Variants in LAMA3 observed in about 807,000 individuals in gnomAD.
LAMA3 encodes the protein laminin subunit alpha 3, also known as laminin subunit alpha-3.
A neutral mutation model predicts 402.0 loss-of-function variants in LAMA3; 281 were observed. The ratio of observed to expected loss-of-function variants is 0.70; its 90% CI spans 0.63 to 0.77. The LOEUF (loss-of-function observed/expected upper bound fraction) is 0.77, where lower values mean the gene tolerates loss of function less well. Among genes scored for constraint, LAMA3 ranks in the 30% least tolerant of loss-of-function variants. The pLI, the probability that LAMA3 is intolerant of heterozygous loss-of-function variation, is 0.00. For missense variants in LAMA3, 3,840 were observed against 4,215.5 expected, an observed-to-expected ratio of 0.91 and a Z score of 2.47; for synonymous variants, 1,431 against 1,558.4, an observed-to-expected ratio of 0.92 and a Z score of 1.93.
intron 12 of LAMA3, among the ~76,000 whole-genome samples, chr18:23,808,695 G>A (rs1178272909): frequency 2.0e-5 from 3 of 152,202 alleles, no homozygotes; most frequent in Non-Finnish European, 4.4e-5. Context: ...ATCAGTGAGA[G>A]TTTCTTTTAC....
At chr18:23,864,492 T>C (rs915056056) in intron 35 of LAMA3, among the ~76,000 whole-genome samples, 2 of 152,168 alleles carry the variant, frequency 1.3e-5, no homozygotes, top group African/African-American at 4.8e-5. Flanking sequence ...CTTCCCAAAG[T>C]GTGGGATTAT....
intron 8 of LAMA3, among the ~76,000 whole-genome samples, chr18:23,770,513 G>A (rs8086776): frequency 1.3e-5 from 2 of 152,194 alleles, no homozygotes; most frequent in Admixed American, 6.5e-5. Context: ...TGTAATCCCA[G>A]CACTTTGGGA....
At chr18:23,709,906 T>C in intron 1 of LAMA3, 1 of 722,824 alleles carries the variant, frequency 1.4e-6, no homozygotes, top group Non-Finnish European at 2.5e-6. Context: ...CCATCAGGCC[T>C]AATCAGGGTG....
At chr18:23,795,146 C>T (rs1393076350) in intron 12 of LAMA3, among the ~76,000 whole-genome samples, 2 of 152,176 alleles carry the variant, frequency 1.3e-5, no homozygotes, top group African/African-American at 4.8e-5. Context: ...CTCCTCCTCC[C>T]TTTTTTAAAA....
At chr18:23,932,527 C>T (rs543321429) in intron 66 of LAMA3, 10 of 448,526 alleles carry the variant, frequency 2.2e-5, no homozygotes, top group South Asian at 1.9e-4. Flanking sequence ...TTGGAAAAGA[C>T]CTAATTAAAA....
chr18:23,723,570 T>A (rs1377427016), intron 2 of LAMA3, among the ~76,000 whole-genome samples: 1 of 152,170 alleles, frequency 6.6e-6, no homozygotes, highest in Non-Finnish European at 1.5e-5. Flanking sequence ...CTAAGAGTGC[T>A]TCTCGGTGGA....
intron 2 of LAMA3, among the ~76,000 whole-genome samples, chr18:23,729,030 CAAAAAA>C (rs10601046): frequency 1.1e-5 from 1 of 89,212 alleles, no homozygotes. Context: ...GACTCCGTCT[CAAAAAA>C]AAAAAAAAAA....
intron 1 of LAMA3, among the ~76,000 whole-genome samples, chr18:23,713,295 G>T (rs2061030982): frequency 6.6e-6 from 1 of 152,186 alleles, no homozygotes; most frequent in Admixed American, 6.5e-5. Context: ...GCTCGTGCTG[G>T]TTCCTCTACC....
At chr18:23,814,890 A>G (rs1321807006) in intron 15 of LAMA3, among the ~76,000 whole-genome samples, 1 of 152,242 alleles carries the variant, frequency 6.6e-6, no homozygotes, top group Non-Finnish European at 1.5e-5. Flanking sequence ...TCATGCATGC[A>G]TATCAGTAAT....
In LAMA3 at chr18:23,721,595, T is replaced by C. The variant is rs1047436552; in HGVS notation, c.447+7523T>C. On this transcript the variant is annotated intron_variant, in intron 2 of 74. Transcript: ENST00000313654. ...AGGGCTGCTCCTTTCCAAGAGCCAG[T>C]TTACCCAATATCTCTCTCGGTCTCT... Among the ~76,000 whole-genome samples the C allele has an allele frequency of 1.3e-5, 2 of 152,302 alleles. 1 individual carries two copies. The highest frequency in any genetic ancestry group is 1.3e-4 in the Admixed American group (2 of 15,306).
At position 23,833,766 on chromosome 18, in the gene LAMA3, G is replaced by C. The variant is rs1017657019; in HGVS notation, c.2824-62G>C. ...GGGCTCTATTTTCACCATTGCTGAT[G>C]CAAGTGTGGCCTGTACATGTCACAG... On this transcript the variant is annotated intron_variant, in intron 23 of 74. Coordinates refer to ENST00000313654, the MANE Select transcript of LAMA3 (RefSeq NM_198129.4). 3.2e-5 allele frequency: 51 copies of C among 1,578,126 alleles called. No homozygotes were observed. The African/African-American group carries it at 6.6e-4, about 20-fold the overall frequency.
intron 32 of LAMA3, among the ~76,000 whole-genome samples, chr18:23,852,416 G>A (rs1344968058): frequency 6.6e-6 from 1 of 152,098 alleles, no homozygotes; most frequent in Non-Finnish European, 1.5e-5. Context: ...TATCTTCTTG[G>A]CATGTATTTC....
At chr18:23,858,580 C>T in intron 33 of LAMA3, 109 bp from the exon 34 acceptor site, 1 of 1,013,278 alleles carries the variant, frequency 9.9e-7, no homozygotes, top group South Asian at 1.3e-5. Context: ...GTTTTGCTCA[C>T]ATCCTCATCC....
intron 7 of LAMA3, among the ~76,000 whole-genome samples, chr18:23,760,325 T>TATAATGTCTTGATTTA (rs1313867408): frequency 6.6e-6 from 1 of 152,112 alleles, no homozygotes; most frequent in Non-Finnish European, 1.5e-5. Context: ...ACTGATGTAG[T>TATAATGTCTTGATTTA]AAATATAAAT....
At chr18:23,931,408 A>G (rs773920900) in intron 65 of LAMA3, 6 of 561,858 alleles carry the variant, frequency 1.1e-5, no homozygotes, top group Non-Finnish European at 1.9e-5. Flanking sequence ...TGTAATCCCA[A>G]CAACTAAGAA....
At chr18:23,771,712 GGAAT>G (rs1239992299) in intron 8 of LAMA3, among the ~76,000 whole-genome samples, 1 of 152,160 alleles carries the variant, frequency 6.6e-6, no homozygotes, top group Non-Finnish European at 1.5e-5. Flanking sequence ...GATGGATAGA[GGAAT>G]GGATGGATGG....
chr18:23,716,737 C>T (rs2061107635), intron 2 of LAMA3, among the ~76,000 whole-genome samples: 1 of 152,230 alleles, frequency 6.6e-6, no homozygotes, highest in Non-Finnish European at 1.5e-5. Context: ...CACCCACCCG[C>T]TCTGCTCTGC....
At chr18:23,928,514 G>T (rs2082073165) in intron 63 of LAMA3, 111 bp from the exon 64 acceptor site, 6 of 1,103,752 alleles carry the variant, frequency 5.4e-6, no homozygotes, top group East Asian at 2.3e-5. Context: ...TCTTTCTGAG[G>T]TTACATAAAT....
At chr18:23,770,601 A>C (rs2143833299) in intron 8 of LAMA3, among the ~76,000 whole-genome samples, 1 of 152,234 alleles carries the variant, frequency 6.6e-6, no homozygotes, top group East Asian at 1.9e-4. Flanking sequence ...CTCTACTAAA[A>C]ATACCAAAAA....
Sources: allele counts gnomAD v4.1 joint callset (sites outside exome capture counted in the v4.1 genomes callset), GRCh38; gene constraint gnomAD v4.1.1; transcripts MANE v1.5; gene names NCBI Gene and HGNC (gene_info 2026-07-23, HGNC 2026-07-21).